Variants in OSBPL9 observed in about 807,000 individuals in gnomAD.
OSBPL9 encodes oxysterol binding protein like 9.
Under a neutral mutation model 106.6 loss-of-function variants are expected in OSBPL9, and 40 were observed. The observed-to-expected ratio is 0.38, with a 90% CI of 0.29 to 0.49. The LOEUF (loss-of-function observed/expected upper bound fraction) is 0.49. Among genes scored for constraint, OSBPL9 ranks in the 20% least tolerant of loss-of-function variants. OSBPL9 has a pLI of 0.97. For synonymous variants in OSBPL9, 269 were observed against 295.4 expected, an observed-to-expected ratio of 0.91 and a Z score of 0.92; for missense variants, 609 against 887.2, an observed-to-expected ratio of 0.69 and a Z score of 3.98.
the OSBPL9 span, among the ~76,000 whole-genome samples, chr1:51,558,093 A>G: frequency 6.6e-6 from 1 of 152,212 alleles, no homozygotes; most frequent in Non-Finnish European, 1.5e-5. Context: ...ATCCTGGCTA[A>G]CACGGTGAAA....
intron 9 of OSBPL9, chr1:51,759,833 C>G (rs992428999): frequency 3.9e-5 from 6 of 152,130 alleles, no homozygotes; most frequent in African/African-American, 1.4e-4. Flanking sequence ...TCTTCTGAAT[C>G]CTCAGAAAGC....
intron 2 of OSBPL9, among the ~76,000 whole-genome samples, chr1:51,657,823 C>T (rs1646907880): frequency 6.6e-6 from 1 of 152,098 alleles, no homozygotes; most frequent in African/African-American, 2.4e-5. Flanking sequence ...GTGGCCCGGG[C>T]TTGGTGGCTC....
the OSBPL9 span, among the ~76,000 whole-genome samples, chr1:51,529,185 A>G: frequency 6.6e-6 from 1 of 152,202 alleles, no homozygotes; most frequent in Non-Finnish European, 1.5e-5. Context: ...CCAGTAACTC[A>G]GAATAGCCAA....
Position 51,666,596 on chromosome 1 carries a change from G to A in OSBPL9, c.163-2838G>A, listed in dbSNP as rs554927683. On this transcript the variant is annotated intron_variant, in intron 2 of 23. Coordinates refer to ENST00000428468, the MANE Select transcript of OSBPL9 (RefSeq NM_024586.6). ...GTTGGATAACACTGCCGTCAATCTTGTCATCACAGAGCACTAAACCACAGT... is the reference window on the plus strand; with the variant it reads ...GTTGGATAACACTGCCGTCAATCTTATCATCACAGAGCACTAAACCACAGT... Among the ~76,000 whole-genome samples the A allele has an allele frequency of 1.1e-3, 165 of 152,130 alleles. 1 individual carries two copies. Among genetic ancestry groups the A allele is most frequent in the Non-Finnish European group, 1.5e-3 (100 of 68,022 alleles).
chr1:51,786,644 A>G (rs1677705979), intron 22 of OSBPL9, 27 bp downstream of exon 22: 4 of 1,576,592 alleles, frequency 2.5e-6, no homozygotes, highest in African/African-American at 1.4e-5. Context: ...AAGTGGAACT[A>G]TTGCTGCAGT....
chr1:51,699,591 T>G lies in OSBPL9; in HGVS notation c.242-14412T>G, dbSNP rs186673945. On this transcript the variant is annotated intron_variant, in intron 3 of 23. Coordinates refer to ENST00000428468, the MANE Select transcript of OSBPL9 (RefSeq NM_024586.6). The stretch of plus-strand genomic sequence containing the variant: ...TCTGTGTCCTTTTAACATGCCCCTG[T>G]CATTCTTTAAGTATTTCCTTACTTT... Among the ~76,000 whole-genome samples, 71 of 152,292 alleles carry G rather than the reference T, an allele frequency of 4.7e-4. 3 individuals are homozygous for G. The South Asian group carries it at 0.012, about 25-fold the overall frequency.
At chr1:51,608,276 G>A (rs1363927140) in intron 2 of OSBPL9, among the ~76,000 whole-genome samples, 3 of 151,910 alleles carry the variant, frequency 2.0e-5, no homozygotes, top group Non-Finnish European at 2.9e-5. Context: ...CACCAGCTGC[G>A]ACCAATTATT....
At chr1:51,774,275 A>G (rs1439603753) in intron 14 of OSBPL9, among the ~76,000 whole-genome samples, 1 of 152,190 alleles carries the variant, frequency 6.6e-6, no homozygotes, top group Non-Finnish European at 1.5e-5. Flanking sequence ...TTTCTCTGCC[A>G]AATAAACCAT....
At chr1:51,786,829 A>G (rs1395687088) in intron 22 of OSBPL9, among the ~76,000 whole-genome samples, 2 of 152,214 alleles carry the variant, frequency 1.3e-5, no homozygotes. Flanking sequence ...CTTTCCTGAA[A>G]TGAGAATAAA....
At chr1:51,585,863 G>GTT (rs58651352) in intron 1 of OSBPL9, among the ~76,000 whole-genome samples, 5,876 of 146,540 alleles carry the variant, frequency 0.04, 145 homozygotes, top group Non-Finnish European at 0.055. Flanking sequence ...ATTTTTAATA[G>GTT]TTTTTTTTTT....
At chr1:51,598,029 C>T (rs910443128) in intron 1 of OSBPL9, 1 of 152,176 alleles carries the variant, frequency 6.6e-6, no homozygotes, top group Non-Finnish European at 1.5e-5. Flanking sequence ...AGCACAGAGG[C>T]AGAGAGATGT....
intron 16 of OSBPL9, 120 bp from the exon 17 acceptor site, chr1:51,782,439 G>T: frequency 1.5e-6 from 1 of 660,386 alleles, no homozygotes; most frequent in Non-Finnish European, 2.5e-6. Flanking sequence ...TTCTACAATA[G>T]AAATATATAT....
the OSBPL9 span, among the ~76,000 whole-genome samples, chr1:51,559,440 TACACACACAC>T: frequency 4.1e-5 from 6 of 147,534 alleles, no homozygotes; most frequent in South Asian, 2.2e-4. Context: ...CACACATACA[TACACACACAC>T]ACACACACAC....
intron 4 of OSBPL9, among the ~76,000 whole-genome samples, chr1:51,716,796 G>A (rs938889360): frequency 1.3e-5 from 2 of 152,084 alleles, no homozygotes; most frequent in Non-Finnish European, 2.9e-5. Context: ...GAGAGGAGAC[G>A]CAGTGATCTC....
At chr1:51,530,267 T>C in the OSBPL9 span, among the ~76,000 whole-genome samples, 2 of 141,698 alleles carry the variant, frequency 1.4e-5, no homozygotes. Flanking sequence ...ATTTCTTAGA[T>C]ATAACACCAA....
At chr1:51,586,890 C>T (rs910408923) in intron 1 of OSBPL9, among the ~76,000 whole-genome samples, 1 of 152,146 alleles carries the variant, frequency 6.6e-6, no homozygotes, top group African/African-American at 2.4e-5. Context: ...AAGTCCCTCC[C>T]ATCACTTACT....
At chr1:51,556,847 G>GTGTATATATATACATATATATGTA in the OSBPL9 span, among the ~76,000 whole-genome samples, 5 of 128,428 alleles carry the variant, frequency 3.9e-5, no homozygotes, top group African/African-American at 1.0e-4. Context: ...ACATATATAT[G>GTGTATATATATACATATATATGTA]TATATATATA....
chr1:51,550,182 G>A, the OSBPL9 span, among the ~76,000 whole-genome samples: 1 of 152,148 alleles, frequency 6.6e-6, no homozygotes, highest in Admixed American at 6.6e-5. Context: ...AGGATTAGAT[G>A]AGCACATTGT....
intron 2 of OSBPL9, among the ~76,000 whole-genome samples, chr1:51,657,629 G>C (rs72898003): frequency 1.3e-5 from 2 of 152,328 alleles, no homozygotes; most frequent in African/African-American, 4.8e-5. Flanking sequence ...GCAGAAAAGT[G>C]AAAAACCTTC....
Sources: allele counts gnomAD v4.1 joint callset (sites outside exome capture counted in the v4.1 genomes callset), GRCh38; gene constraint gnomAD v4.1.1; transcripts MANE v1.5; gene names NCBI Gene and HGNC (gene_info 2026-07-23, HGNC 2026-07-21).